Variants in SGCZ observed in about 807,000 individuals in gnomAD.
The protein encoded by SGCZ is zeta-sarcoglycan.
A neutral mutation model predicts 41.3 loss-of-function variants in SGCZ; 40 were observed. That is an observed-to-expected ratio of 0.97 (90% CI 0.75 to 1.26). The LOEUF (loss-of-function observed/expected upper bound fraction) is 1.26, where lower values mean the gene tolerates loss of function less well. Among genes scored for constraint, SGCZ ranks in the 50% most tolerant of loss-of-function variants. The pLI is 0.00. For synonymous variants in SGCZ, 206 were observed against 137.5 expected (o/e 1.50, Z -3.49); for missense variants, 552 against 369.8 (o/e 1.49, Z -4.04).
At chr8:14,556,171 A>T (rs1217903498) in intron 1 of SGCZ, among the ~76,000 whole-genome samples, 1 of 151,870 alleles carries the variant, frequency 6.6e-6, no homozygotes, top group Non-Finnish European at 1.5e-5. Context: ...TAACATATTT[A>T]TTACCAGAAG....
chr8:14,856,411 A>G (rs1160954489), intron 1 of SGCZ, among the ~76,000 whole-genome samples: 2 of 152,162 alleles, frequency 1.3e-5, no homozygotes, highest in African/African-American at 2.4e-5. Context: ...CTTAGATGAT[A>G]AACACAAAAG....
chr8:14,265,945 G>T (rs1251382898), intron 3 of SGCZ, among the ~76,000 whole-genome samples: 4 of 151,828 alleles, frequency 2.6e-5, no homozygotes, highest in Non-Finnish European at 5.9e-5. Context: ...AAAAAAGAAT[G>T]AAAAGGAACA....
At chr8:14,155,370 A>G (rs911268773) in intron 5 of SGCZ, among the ~76,000 whole-genome samples, 2 of 152,106 alleles carry the variant, frequency 1.3e-5, no homozygotes, top group Non-Finnish European at 2.9e-5. Flanking sequence ...GGTGGTAGTT[A>G]CTTTCACTAG....
At chr8:14,458,200 G>A (rs1036800308) in intron 2 of SGCZ, among the ~76,000 whole-genome samples, 11 of 152,094 alleles carry the variant, frequency 7.2e-5, no homozygotes, top group African/African-American at 2.7e-4. Flanking sequence ...AATGTGTGGG[G>A]AATAAAAAAT....
At chr8:14,846,390 A>T (rs7012284) in intron 1 of SGCZ, among the ~76,000 whole-genome samples, 3,530 of 152,164 alleles carry the variant, frequency 0.023, 136 homozygotes, top group African/African-American at 0.081. Context: ...AAAAAAATCA[A>T]AAGTTGGATC....
chr8:14,165,198 A>G (rs1804171449), intron 4 of SGCZ: 1 of 152,510 alleles, frequency 6.6e-6, no homozygotes, highest in South Asian at 2.1e-4. Context: ...AGATTCTAAT[A>G]TTGATGTTTT....
chr8:15,225,258 T>G (rs1331833847), intron 1 of SGCZ, among the ~76,000 whole-genome samples: 2 of 152,078 alleles, frequency 1.3e-5, no homozygotes, highest in African/African-American at 2.4e-5. Context: ...CACAATGCAA[T>G]TTAGTTAAAA....
rs902027298 is a variant in SGCZ, at chr8:14,246,172, C to G, written c.337-8493G>C. ...TGTATGTTTATTGCGGCTGTATTCA[C>G]AATAGCAAAGACTTGGAACCAAACC... On this transcript the variant is annotated intron_variant, in intron 3 of 7. Coordinates refer to ENST00000382080, the MANE Select transcript of SGCZ (RefSeq NM_139167.4). 3.3e-5 allele frequency among the ~76,000 whole-genome samples: 5 copies of G among 152,078 alleles called. 1 individual carries two copies. The highest frequency in any genetic ancestry group is 1.2e-4 in the African/African-American group (5 of 41,398).
intron 1 of SGCZ, among the ~76,000 whole-genome samples, chr8:15,027,826 G>A (rs1165799544): frequency 2.0e-5 from 3 of 152,008 alleles, no homozygotes; most frequent in Non-Finnish European, 4.4e-5. Flanking sequence ...TATTTAAAAT[G>A]TAAGATATAT....
At chr8:15,158,916 T>C (rs1799413632) in intron 1 of SGCZ, among the ~76,000 whole-genome samples, 1 of 152,180 alleles carries the variant, frequency 6.6e-6, no homozygotes, top group African/African-American at 2.4e-5. Flanking sequence ...TATTGTCAAA[T>C]ATATATTTGG....
chr8:14,893,315 C>G (rs920522899), intron 1 of SGCZ, among the ~76,000 whole-genome samples: 1 of 152,098 alleles, frequency 6.6e-6, no homozygotes, highest in African/African-American at 2.4e-5. Flanking sequence ...AATACACTCT[C>G]TCCTACAATC....
At chr8:14,444,359 A>G (rs996277611) in intron 2 of SGCZ, among the ~76,000 whole-genome samples, 4 of 152,124 alleles carry the variant, frequency 2.6e-5, no homozygotes, top group African/African-American at 9.7e-5. Context: ...AGACACATGC[A>G]CACGTATGTT....
At chr8:15,120,362 C>T (rs560096184) in intron 1 of SGCZ, among the ~76,000 whole-genome samples, 155 of 152,228 alleles carry the variant, frequency 1.0e-3, no homozygotes, top group Non-Finnish European at 1.9e-3. Context: ...AAATCCTATA[C>T]AGGTAGTATT....
At chr8:14,941,970 T>G (rs1049096323) in intron 1 of SGCZ, among the ~76,000 whole-genome samples, 4 of 151,996 alleles carry the variant, frequency 2.6e-5, no homozygotes, top group African/African-American at 9.7e-5. Context: ...AATTAAACAC[T>G]GTTCCATGTA....
intron 1 of SGCZ, among the ~76,000 whole-genome samples, chr8:14,938,085 T>C (rs1276785906): frequency 3.3e-5 from 5 of 152,162 alleles, no homozygotes; most frequent in Non-Finnish European, 1.5e-5. Flanking sequence ...CATATATACA[T>C]AATGATGCAT....
intron 1 of SGCZ, among the ~76,000 whole-genome samples, chr8:14,983,939 G>C (rs982975018): frequency 1.3e-5 from 2 of 151,966 alleles, no homozygotes; most frequent in Non-Finnish European, 1.5e-5. Context: ...TATTATCTCA[G>C]GTTGTTTCAA....
rs397966903 is a variant in SGCZ at position 14,879,813 on chromosome 8, A to AG, written c.40-324888dup. ...TGTATTGTAGATTAAAAAAAAAAAA[A>AG]GTTGGGTTTTTGTTTTTAGGTTTTT... On this transcript the variant is annotated intron_variant, in intron 1 of 7. Transcript: ENST00000382080. 3.3e-5 allele frequency: 5 copies of AG among 150,864 alleles called. No homozygotes were observed. In the East Asian group the frequency reaches 9.7e-4, roughly 29 times the overall value. 9.3% of individuals were successfully genotyped at this position (150,864 alleles called of 1,614,324 possible). A position where few individuals can be genotyped will look rare whatever the true frequency, so the allele number is the denominator to read the frequency against.
Position 15,050,582 on chromosome 8 carries a change from T to C in SGCZ, c.39+187003A>G, listed in dbSNP as rs534219547. 5.3e-5 allele frequency among the ~76,000 whole-genome samples: 8 copies of C among 152,226 alleles called. No individual in the cohort carries two copies. In the South Asian group the frequency reaches 1.7e-3, roughly 32 times the overall value. ...AGTTGAAGCCAAGAGAAGTGAGTGT[T>C]ACAAGTAAGAGAAATAACCTGTGCA... On this transcript the variant is annotated intron_variant, in intron 1 of 7. Transcript: ENST00000382080.
rs1042585933 is a variant in SGCZ, at chr8:14,121,593, A to G, written c.548-13358T>C. On this transcript the variant is annotated intron_variant, in intron 5 of 7. Coordinates refer to ENST00000382080, the MANE Select transcript of SGCZ (RefSeq NM_139167.4). ...ACTAAAATCATACATGAAATAATAG[A>G]AATCAGGCCTAACATCAGATAGACT... Among the ~76,000 whole-genome samples, 8 of 152,274 alleles carry G rather than the reference A, an allele frequency of 5.3e-5. No homozygotes were observed. In the East Asian group the frequency reaches 1.5e-3, roughly 29 times the overall value.
Sources: gnomAD v4.1 joint callset for allele counts (sites outside exome capture counted in the v4.1 genomes callset) on GRCh38, gnomAD v4.1.1 for gene constraint, MANE v1.5 for transcripts, NCBI Gene and HGNC (gene_info 2026-07-23, HGNC 2026-07-21) for gene names.